PDE10A: variants seen among roughly 807,000 people sequenced by gnomAD.
The protein encoded by PDE10A is cAMP and cAMP-inhibited cGMP 3',5'-cyclic phosphodiesterase 10A.
In PDE10A, 39 loss-of-function variants were observed where a neutral mutation model predicts 97.7. That is an observed-to-expected ratio of 0.40 (90% CI 0.31 to 0.52). PDE10A has a LOEUF of 0.52. Ranked by LOEUF, PDE10A falls within the 20% of genes least tolerant of loss-of-function variation. PDE10A has a pLI of 0.56. For synonymous variants in PDE10A, 371 were observed against 376.8 expected (o/e 0.98, Z 0.18); for missense variants, 731 against 1,047.8 (o/e 0.70, Z 4.17).
intron 1 of PDE10A, among the ~76,000 whole-genome samples, chr6:165,933,428 C>G (rs1042118001): frequency 6.6e-6 from 1 of 152,166 alleles, no homozygotes; most frequent in Non-Finnish European, 1.5e-5. Flanking sequence ...TAGTTTGTCT[C>G]ATTTTAGACT....
intron 1 of PDE10A, among the ~76,000 whole-genome samples, chr6:165,807,513 G>C (rs779580304): frequency 3.3e-5 from 5 of 152,186 alleles, no homozygotes; most frequent in Admixed American, 1.3e-4. Context: ...TCCTGCAGTA[G>C]AAAGGGAAGG....
intron 1 of PDE10A, among the ~76,000 whole-genome samples, chr6:165,637,881 A>G (rs146459811): frequency 6.1e-4 from 93 of 152,342 alleles, no homozygotes; most frequent in East Asian, 5.6e-3. Flanking sequence ...CCCCAGAGCC[A>G]AAAGATAATT....
intron 1 of PDE10A, among the ~76,000 whole-genome samples, chr6:165,650,617 G>C (rs1269587267): frequency 6.6e-6 from 1 of 152,186 alleles, no homozygotes; most frequent in East Asian, 1.9e-4. Context: ...CCCACTCGTA[G>C]ACAGGCCATT....
At chr6:165,567,757 C>A (rs77353940) in intron 1 of PDE10A, among the ~76,000 whole-genome samples, 1 of 152,044 alleles carries the variant, frequency 6.6e-6, no homozygotes, top group Admixed American at 6.6e-5. Context: ...TATAAATAAT[C>A]CAAGGTCACA....
intron 21 of PDE10A, among the ~76,000 whole-genome samples, chr6:165,334,114 C>T (rs936549148): frequency 6.6e-6 from 1 of 152,212 alleles, no homozygotes; most frequent in African/African-American, 2.4e-5. Context: ...TTTCCTTGGA[C>T]ACCGATGATA....
At chr6:165,714,262 G>T (rs535780002) in intron 1 of PDE10A, among the ~76,000 whole-genome samples, 1 of 152,298 alleles carries the variant, frequency 6.6e-6, no homozygotes, top group South Asian at 2.1e-4. Context: ...CCCTTGACCC[G>T]ATGGGAGCCT....
chr6:165,889,699 T>C (rs1222656179), intron 1 of PDE10A, among the ~76,000 whole-genome samples: 1 of 152,116 alleles, frequency 6.6e-6, no homozygotes, highest in African/African-American at 2.4e-5. Context: ...GTGTCCTCCA[T>C]GACAGGACTA....
intron 1 of PDE10A, among the ~76,000 whole-genome samples, chr6:165,747,712 G>T (rs1170604478): frequency 1.3e-5 from 2 of 152,306 alleles, no homozygotes; most frequent in African/African-American, 4.8e-5. Flanking sequence ...GGATGTGGCC[G>T]CCTGGCATGG....
chr6:165,958,524 A>G lies in PDE10A; in HGVS notation c.-615+29005T>C, dbSNP rs181681264. On this transcript the variant is annotated intron_variant, in intron 1 of 19. Coordinates refer to the PDE10A transcript ENST00000366882. ...AAGAAAGAAAGAAAGAAAGAAAGAA[A>G]GAAAGAAAGAAAGAAAGAAAGAAAG... 6.2e-4 allele frequency among the ~76,000 whole-genome samples: 9 copies of G among 14,500 alleles called. No individual in the cohort carries two copies. The East Asian group carries it at 0.036, about 58-fold the overall frequency. The allele number at this position is 14,500 out of a possible 152,430, so 9.5% of individuals were successfully genotyped here.
At chr6:165,832,702 A>T (rs1167627064) in intron 1 of PDE10A, among the ~76,000 whole-genome samples, 3 of 152,224 alleles carry the variant, frequency 2.0e-5, no homozygotes, top group Non-Finnish European at 4.4e-5. Context: ...ACAAAGTTTT[A>T]AAAATGTCAC....
chr6:165,415,207 G>A lies in PDE10A; in HGVS notation c.1889+982C>T, dbSNP rs182808489. 1.4e-3 allele frequency among the ~76,000 whole-genome samples: 220 copies of A among 152,238 alleles called. 2 individuals carry two copies. The highest frequency in any genetic ancestry group is 5.1e-3 in the African/African-American group (214 of 41,556). On this transcript the variant is annotated intron_variant, in intron 12 of 21. Transcript: ENST00000539869. ...TATATTTAATTTTTAAGTACTAAAT[G>A]ATGAGTTTGGACTTTTGGAAAAAAA...
chr6:165,958,559 AAGAAAGACAGACAGAAAGAAAGAC>A (rs1167250072), intron 1 of PDE10A, among the ~76,000 whole-genome samples: 7,616 of 33,960 alleles, frequency 0.22, 1,612 homozygotes, highest in East Asian at 0.28. Context: ...GAAAGAAAGA[AAGAAAGACAGACAGAAAGAAAGAC>A]AGAAAGAGAG....
chr6:165,402,039 T>C (rs1786707054), intron 13 of PDE10A, among the ~76,000 whole-genome samples: 1 of 152,172 alleles, frequency 6.6e-6, no homozygotes, highest in South Asian at 2.1e-4. Flanking sequence ...AGAGTAACTA[T>C]ACTAGGCAGT....
intron 1 of PDE10A, among the ~76,000 whole-genome samples, chr6:165,905,003 G>A (rs1363620001): frequency 1.3e-5 from 2 of 152,024 alleles, no homozygotes; most frequent in Non-Finnish European, 2.9e-5. Context: ...GATATTTCAT[G>A]TCTTTCATTA....
chr6:165,551,550 G>C (rs1327316932), intron 1 of PDE10A, among the ~76,000 whole-genome samples: 1 of 152,108 alleles, frequency 6.6e-6, no homozygotes, highest in East Asian at 1.9e-4. Context: ...GGAAAATGAA[G>C]CAAAGAGAAG....
rs545149187 is a variant in PDE10A at position 165,542,612 on chromosome 6, C to CTTTTTTTTTTTTTTT, written c.994+813_994+827dup. Among the ~76,000 whole-genome samples, 59 of 76,452 alleles carry CTTTTTTTTTTTTTTT rather than the reference C, an allele frequency of 7.7e-4. 6 individuals carry two copies. The highest frequency in any genetic ancestry group is 1.9e-3 in the South Asian group (3 of 1,566). The allele number at this position is 76,452 out of a possible 152,430, so 50.2% of individuals were successfully genotyped here. A position where few individuals can be genotyped will look rare whatever the true frequency, so the allele number is the denominator to read the frequency against. On this transcript the variant is annotated intron_variant, in intron 2 of 21. Transcript: ENST00000539869. ...TTTAGGTCAAAAAGATGTCCTTGTT[C>CTTTTTTTTTTTTTTT]TTTTTTTTTTTTTTTTTTTTTTTTT...
chr6:165,668,234 C>T (rs969052052), upstream of PDE10A, among the ~76,000 whole-genome samples: 4 of 152,150 alleles, frequency 2.6e-5, no homozygotes, highest in Admixed American at 2.0e-4. Context: ...CATAGAGGGA[C>T]ATTCTGGATA....
rs73260570 is a variant in PDE10A at position 165,978,668 on chromosome 6, G to A, written c.-615+8861C>T. On this transcript the variant is annotated intron_variant, in intron 1 of 19. Transcript: ENST00000366882. ...AGTTTTTTTAGATTAAAAAAATGACGACTCAACATATGTGTGATTCCCGAT... is the reference window on the plus strand; with the variant it reads ...AGTTTTTTTAGATTAAAAAAATGACAACTCAACATATGTGTGATTCCCGAT... Among the ~76,000 whole-genome samples the A allele has an allele frequency of 9.5e-3, 1,441 of 152,120 alleles. 29 individuals are homozygous for A. The highest frequency in any genetic ancestry group is 0.033 in the African/African-American group (1,362 of 41,496).
At chr6:165,913,273 TACACACAC>T (rs58740333) in intron 1 of PDE10A, among the ~76,000 whole-genome samples, 30,973 of 147,898 alleles carry the variant, frequency 0.21, 3,410 homozygotes, top group South Asian at 0.26. Context: ...ACTCAACTTG[TACACACAC>T]ACACACACAC....
Sources: gnomAD v4.1 joint callset for allele counts (sites outside exome capture counted in the v4.1 genomes callset) on GRCh38, gnomAD v4.1.1 for gene constraint, MANE v1.5 for transcripts, NCBI Gene and HGNC (gene_info 2026-07-23, HGNC 2026-07-21) for gene names.